The following PSD2 variants were observed in gnomAD, a reference collection of about 807,000 sequenced individuals.
PSD2 encodes the protein pleckstrin and Sec7 domain containing 2, also known as PH and SEC7 domain-containing protein 2.
PSD2 carries 38 observed loss-of-function variants against 69.8 expected under a neutral mutation model. The observed-to-expected ratio is 0.54, with a 90% CI of 0.42 to 0.71. The LOEUF (loss-of-function observed/expected upper bound fraction) is 0.71, where lower values mean the gene tolerates loss of function less well. Among genes scored for constraint, PSD2 ranks in the 30% least tolerant of loss-of-function variants. PSD2 has a pLI of 0.00. For synonymous variants in PSD2, 412 were observed against 423.0 expected, an observed-to-expected ratio of 0.97 and a Z score of 0.32; for missense variants, 943 against 1,014.5, an observed-to-expected ratio of 0.93 and a Z score of 0.96.
the PSD2 span, among the ~76,000 whole-genome samples, chr5:139,746,951 C>G: frequency 6.6e-6 from 1 of 152,192 alleles, no homozygotes; most frequent in Non-Finnish European, 1.5e-5. This position sits in a 1 kb window ranked among gnomAD's most constrained non-coding sequence, Gnocchi z 4.5. Flanking sequence ...CCTCCACGGT[C>G]GTCCGCAGCT....
At chr5:139,838,431 G>A (rs1278111206) in intron 12 of PSD2, among the ~76,000 whole-genome samples, 197 bp from the exon 13 acceptor site, 1 of 152,136 alleles carries the variant, frequency 6.6e-6, no homozygotes, top group African/African-American at 2.4e-5. Flanking sequence ...CTGGAAGCTG[G>A]GACAGAAAGG....
At chr5:139,779,993 T>C in the PSD2 span, among the ~76,000 whole-genome samples, 6 of 152,238 alleles carry the variant, frequency 3.9e-5, no homozygotes, top group Non-Finnish European at 1.5e-5. Flanking sequence ...GAAATTGTTG[T>C]ACAATCTTTG....
the PSD2 span, among the ~76,000 whole-genome samples, chr5:139,760,514 C>A: frequency 6.6e-6 from 1 of 152,310 alleles, no homozygotes; most frequent in African/African-American, 2.4e-5. Context: ...CCTGGTGCCA[C>A]CATGCTCAGC....
At chr5:139,785,531 C>T in the PSD2 span, among the ~76,000 whole-genome samples, 1 of 152,212 alleles carries the variant, frequency 6.6e-6, no homozygotes, top group South Asian at 2.1e-4. Context: ...GCCCTCATTG[C>T]CTTCCTGATG....
At chr5:139,806,559 G>A (rs917037084) in intron 1 of PSD2, among the ~76,000 whole-genome samples, 1 of 152,188 alleles carries the variant, frequency 6.6e-6, no homozygotes, top group Admixed American at 6.5e-5. Flanking sequence ...CCTTAACCTT[G>A]CAGGGAGTTT....
chr5:139,838,732 G>A lies in PSD2; in HGVS notation c.1928G>A (p.Cys643Tyr). ...PAAVSSMKKF[C>Y]RPLLPSCTTR... The stretch of plus-strand genomic sequence containing the variant: ...GCTGTCAGCTCCATGAAGAAGTTCT[G>A]TCGGCCCCTGCTGCCCTCCTGCACC... Residue 643 changes from cysteine to tyrosine, a missense_variant, in exon 13 of 15, where the codon TGT (cysteine) becomes TAT (tyrosine). Physicochemically the swap from Cys to Tyr is radical, Grantham distance 194 (BLOSUM62 -2). Transcript: ENST00000274710. 6.2e-7 allele frequency: 1 copy of A among 1,613,766 alleles called. No homozygotes were observed. The highest frequency in any genetic ancestry group is 2.2e-5 in the East Asian group (1 of 44,878).
chr5:139,787,883 C>T, the PSD2 span, among the ~76,000 whole-genome samples: 1 of 152,252 alleles, frequency 6.6e-6, no homozygotes, highest in African/African-American at 2.4e-5. Flanking sequence ...CGGAGACAGC[C>T]TGGGCAAAGT....
the PSD2 span, among the ~76,000 whole-genome samples, chr5:139,751,790 CTTTTTTTT>C: frequency 8.3e-6 from 1 of 120,416 alleles, no homozygotes; most frequent in African/African-American, 3.3e-5. Flanking sequence ...AGGGTCCAGC[CTTTTTTTT>C]TTTTTTTTTT....
chr5:139,744,084 G>C, the PSD2 span, among the ~76,000 whole-genome samples: 9 of 152,176 alleles, frequency 5.9e-5, no homozygotes, highest in Admixed American at 5.9e-4. Flanking sequence ...TCCTGGCTCT[G>C]GGAAGTTGAC....
At chr5:139,777,870 G>C in the PSD2 span, among the ~76,000 whole-genome samples, 1 of 152,170 alleles carries the variant, frequency 6.6e-6, no homozygotes, top group Admixed American at 6.5e-5. Context: ...GTGACAGAGG[G>C]AGATCCTGTC....
the PSD2 span, among the ~76,000 whole-genome samples, chr5:139,753,548 C>T: frequency 6.6e-6 from 1 of 152,172 alleles, no homozygotes; most frequent in Admixed American, 6.5e-5. Context: ...TGACCCCTCA[C>T]TTTTGACCCT....
At position 139,822,738 on chromosome 5, in the gene PSD2, C is replaced by A; in HGVS notation, c.1223C>A (p.Thr408Lys). The change falls in exon 7 of 15, where the codon ACG (threonine) becomes AAG (lysine). Residue 408 changes from threonine to lysine, a missense_variant. Transcript: ENST00000274710. ...ATCTCTGACTCAGATGGGATCCACA[C>A]GCTCACCTGTGCCCTGATGCTGCTC... ...DDSTSEDGIH[T>K]LTCALMLLNT... 1 of 1,610,670 alleles carries A rather than the reference C, an allele frequency of 6.2e-7. No individual in the cohort carries two copies. Among genetic ancestry groups the A allele is most frequent in the Non-Finnish European group, 8.5e-7 (1 of 1,178,354 alleles).
At chr5:139,798,776 T>C (rs2044675359) in intron 1 of PSD2, among the ~76,000 whole-genome samples, 1 of 152,210 alleles carries the variant, frequency 6.6e-6, no homozygotes, top group Admixed American at 6.5e-5. Context: ...ACAAAAATAA[T>C]GCATTGTTAT....
At chr5:139,792,859 T>TTCCTTCCTTCCTTCCTTCC (rs1554093428), upstream of PSD2, among the ~76,000 whole-genome samples, 1 of 107,788 alleles carries the variant, frequency 9.3e-6, no homozygotes, top group African/African-American at 3.6e-5. Flanking sequence ...TCTTTCTGTC[T>TTCCTTCCTTCCTTCCTTCC]TTCCTTCCTT....
chr5:139,775,764 G>A, the PSD2 span, among the ~76,000 whole-genome samples: 1 of 152,210 alleles, frequency 6.6e-6, no homozygotes, highest in Non-Finnish European at 1.5e-5. Flanking sequence ...CGTCTCCGAG[G>A]TTCAAGCGAT....
intron 7 of PSD2, among the ~76,000 whole-genome samples, chr5:139,828,226 C>T (rs1056320953): frequency 1.3e-5 from 2 of 149,178 alleles, no homozygotes; most frequent in Non-Finnish European, 3.0e-5. Flanking sequence ...TGGCACTGGT[C>T]AATGGACTGA....
In PSD2 at chr5:139,840,283, G is replaced by A. The variant is rs1262440938; in HGVS notation, c.2112+113G>A. 4 of 1,222,084 alleles carry A rather than the reference G, an allele frequency of 3.3e-6. No individual in the cohort carries two copies. In the African/African-American group the frequency reaches 4.5e-5, roughly 14 times the overall value. The allele number at this position is 1,222,084 out of a possible 1,614,324, so 75.7% of individuals were successfully genotyped here. ...CCTAGTGATAAAGGGGCTCATTGAT[G>A]TGGGAGCTGGGAGGGAACAGGGTCC... On this transcript the variant is annotated intron_variant, in intron 14 of 14. Coordinates refer to ENST00000274710, the MANE Select transcript of PSD2 (RefSeq NM_032289.4).
At position 139,822,001 on chromosome 5, in the gene PSD2, G is replaced by T; in HGVS notation, c.1206G>T (p.Ser402=). 6.3e-7 allele frequency: 1 copy of T among 1,598,646 alleles called. No homozygotes were observed. Among genetic ancestry groups the T allele is most frequent in the Non-Finnish European group, 8.5e-7 (1 of 1,169,666 alleles). The stretch of plus-strand genomic sequence containing the variant: ...AGTGCAACCCTGATGACAGCACTTC[G>T]GAAGGTATGGCCCCTTGCCCACTCT... ...YCQCNPDDST[S]EDGIHTLTCA... is the part of the protein sequence containing the mutation. Residue 402 remains serine, a synonymous_variant, in exon 6 of 15, where the codon TCG becomes TCT. Transcript: ENST00000274710.
chr5:139,793,201 C>G (rs1270325804), upstream of PSD2, among the ~76,000 whole-genome samples: 1 of 152,130 alleles, frequency 6.6e-6, no homozygotes, highest in African/African-American at 2.4e-5. Context: ...ACTTTGGCCT[C>G]CCAAAGTGTT....
Sources: gnomAD v4.1 joint callset for allele counts (sites outside exome capture counted in the v4.1 genomes callset) on GRCh38, gnomAD v4.1.1 for gene constraint, Gnocchi (gnomAD v3.1) non-coding constraint, MANE v1.5 for transcripts, NCBI Gene and HGNC (gene_info 2026-07-23, HGNC 2026-07-21) for gene names.